Variants in ADAM12 observed in about 807,000 individuals in gnomAD.
ADAM12 encodes disintegrin and metalloproteinase domain-containing protein 12.
Under a neutral mutation model 106.4 loss-of-function variants are expected in ADAM12, and 70 were observed. The observed-to-expected ratio is 0.66, with a 90% CI of 0.54 to 0.80. The LOEUF (loss-of-function observed/expected upper bound fraction) is 0.80. ADAM12 is among the 30% of genes least tolerant of loss of function. The pLI, the probability that ADAM12 is intolerant of heterozygous loss-of-function variation, is 0.00. For missense variants in ADAM12, 1,010 were observed against 1,171.9 expected, an observed-to-expected ratio of 0.86 and a Z score of 2.02; for synonymous variants, 420 against 433.5, an observed-to-expected ratio of 0.97 and a Z score of 0.39.
intron 8 of ADAM12, among the ~76,000 whole-genome samples, chr10:126,103,741 G>C (rs1404571637): frequency 6.6e-6 from 1 of 152,224 alleles, no homozygotes; most frequent in Non-Finnish European, 1.5e-5. Flanking sequence ...GCAGCTGCCT[G>C]CCTGACTTAC....
chr10:126,275,235 A>T (rs1185350322), intron 3 of ADAM12, among the ~76,000 whole-genome samples: 1 of 152,196 alleles, frequency 6.6e-6, no homozygotes, highest in Non-Finnish European at 1.5e-5. Flanking sequence ...CATTTTGATC[A>T]AAGATACAAT....
intron 3 of ADAM12, among the ~76,000 whole-genome samples, chr10:126,199,455 T>C (rs1440209939): frequency 1.3e-5 from 2 of 152,104 alleles, no homozygotes; most frequent in East Asian, 3.9e-4. Flanking sequence ...AGCCATATTG[T>C]CAAGTTCGCA....
chr10:126,213,835 C>T (rs1163840092), intron 3 of ADAM12, among the ~76,000 whole-genome samples: 2 of 152,174 alleles, frequency 1.3e-5, no homozygotes, highest in East Asian at 1.9e-4. Flanking sequence ...TTTGGTTTAC[C>T]CCTTAAAGCA....
intron 2 of ADAM12, among the ~76,000 whole-genome samples, chr10:126,321,256 A>G (rs115761612): frequency 0.01 from 1,543 of 152,302 alleles, 30 homozygotes; most frequent in African/African-American, 0.035. Context: ...GTAAATCATG[A>G]TATCTCCTGC....
rs1465071307 is a variant in ADAM12, at chr10:126,043,626, T to C, written c.1996-478A>G. Among the ~76,000 whole-genome samples, 1 of 152,138 alleles carries C rather than the reference T, an allele frequency of 6.6e-6. No homozygotes were observed. Among genetic ancestry groups the C allele is most frequent in the Non-Finnish European group, 1.5e-5 (1 of 68,020 alleles). On this transcript the variant is annotated intron_variant, in intron 17 of 22. Transcript: ENST00000448723. This position sits in a 1 kb window ranked among gnomAD's most constrained non-coding sequence, Gnocchi z 4.1. Reference sequence around the variant, plus strand: ...CTCAGAGAGGCTGGTGACTGCCGGGTCCCACGCCAGGCTGGGGTCCGAGGC... The same window carrying C: ...CTCAGAGAGGCTGGTGACTGCCGGGCCCCACGCCAGGCTGGGGTCCGAGGC...
intron 1 of ADAM12, among the ~76,000 whole-genome samples, chr10:126,368,659 G>T (rs1383017019): frequency 1.3e-5 from 2 of 149,150 alleles, no homozygotes; most frequent in South Asian, 2.1e-4. Context: ...TGTTGTTGTT[G>T]TTTTTTTTTG....
At chr10:126,135,860 C>T (rs1267834621) in intron 4 of ADAM12, among the ~76,000 whole-genome samples, 200 bp from the exon 5 acceptor site, 2 of 152,194 alleles carry the variant, frequency 1.3e-5, no homozygotes, top group Middle Eastern at 3.2e-3. Context: ...TACAGATTAC[C>T]AACAGCGGTT....
intron 1 of ADAM12, among the ~76,000 whole-genome samples, chr10:126,380,038 A>AT (rs1856436077): frequency 6.6e-6 from 1 of 152,182 alleles, no homozygotes. Flanking sequence ...AAGCTGTCCA[A>AT]TTTTTTAAAT....
chr10:126,020,963 A>G (rs1953754170), intron 21 of ADAM12, among the ~76,000 whole-genome samples: 1 of 140,916 alleles, frequency 7.1e-6, no homozygotes, highest in Non-Finnish European at 1.5e-5. Flanking sequence ...ACTGCACTCC[A>G]GCCTAGGTGA....
At chr10:126,070,585 T>A (rs1421814212) in intron 12 of ADAM12, 2 of 152,224 alleles carry the variant, frequency 1.3e-5, no homozygotes, top group African/African-American at 4.8e-5. Context: ...AGAGCAGCCC[T>A]TGGAGATGCT....
intron 2 of ADAM12, among the ~76,000 whole-genome samples, chr10:126,293,886 A>G (rs1960261013): frequency 6.6e-6 from 1 of 152,128 alleles, no homozygotes; most frequent in Admixed American, 6.5e-5. Context: ...GCCCAGGTAG[A>G]GCTCTTCTCT....
chr10:126,355,292 C>A, intron 1 of ADAM12, among the ~76,000 whole-genome samples: 1 of 152,160 alleles, frequency 6.6e-6, no homozygotes, highest in East Asian at 1.9e-4. Flanking sequence ...AGACTAAATT[C>A]TTCTGACAGG....
chr10:126,141,459 C>T (rs1482286286), intron 4 of ADAM12, among the ~76,000 whole-genome samples: 1 of 147,352 alleles, frequency 6.8e-6, no homozygotes, highest in Non-Finnish European at 1.5e-5. Context: ...CAGAAAATTA[C>T]ATCTTTTCCT....
chr10:126,224,771 C>T (rs1958160284), intron 3 of ADAM12, among the ~76,000 whole-genome samples: 1 of 152,214 alleles, frequency 6.6e-6, no homozygotes, highest in Non-Finnish European at 1.5e-5. Flanking sequence ...TCTGTTGCCA[C>T]CTACAAGTGA....
intron 3 of ADAM12, among the ~76,000 whole-genome samples, chr10:126,161,006 T>A (rs1250761374): frequency 2.0e-5 from 3 of 152,246 alleles, no homozygotes; most frequent in African/African-American, 7.2e-5. Context: ...GGTCCTTTCC[T>A]GATCTCTTAT....
At chr10:126,059,058 A>G (rs1180474809) in intron 14 of ADAM12, among the ~76,000 whole-genome samples, 2 of 152,204 alleles carry the variant, frequency 1.3e-5, no homozygotes, top group East Asian at 1.9e-4. Flanking sequence ...TTTTGATACC[A>G]TACTATATTT....
In ADAM12 at chr10:126,148,671, A is replaced by G. The variant is rs536875448; in HGVS notation, c.339+6556T>C. ...GGGGGTGCCAATTAATCTAGCTTTC[A>G]GTTGCTTCCCCAGTGGAGATGATCC... On this transcript the variant is annotated intron_variant, in intron 4 of 22. Coordinates refer to ENST00000448723, the MANE Select transcript of ADAM12 (RefSeq NM_001288973.2). 9.2e-5 allele frequency among the ~76,000 whole-genome samples: 14 copies of G among 152,314 alleles called. No individual in the cohort carries two copies. In the East Asian group the frequency reaches 2.5e-3, roughly 27 times the overall value.
chr10:126,232,068 C>G (rs576923541), intron 3 of ADAM12, among the ~76,000 whole-genome samples: 24 of 152,242 alleles, frequency 1.6e-4, no homozygotes, highest in Non-Finnish European at 1.8e-4. Flanking sequence ...GGGCTGAATA[C>G]TGGCCTCCCC....
At chr10:126,261,500 G>C (rs896185923) in intron 3 of ADAM12, among the ~76,000 whole-genome samples, 3 of 152,140 alleles carry the variant, frequency 2.0e-5, no homozygotes, top group African/African-American at 7.2e-5. Context: ...ATACCCTATA[G>C]TGAGTATTTG....
Sources: gnomAD v4.1 joint callset for allele counts (sites outside exome capture counted in the v4.1 genomes callset) on GRCh38, gnomAD v4.1.1 for gene constraint, Gnocchi (gnomAD v3.1) non-coding constraint, MANE v1.5 for transcripts, NCBI Gene and HGNC (gene_info 2026-07-23, HGNC 2026-07-21) for gene names.